Variants in EXOC2 observed in about 807,000 individuals in gnomAD.
EXOC2 encodes the protein exocyst complex component 2, also known as SEC5-like 1.
A neutral mutation model predicts 131.8 loss-of-function variants in EXOC2; 70 were observed. The observed-to-expected ratio is 0.53, with a 90% CI of 0.44 to 0.65. The LOEUF is 0.65. EXOC2 is among the 30% of genes least tolerant of loss of function. The pLI, the probability that EXOC2 is intolerant of heterozygous loss-of-function variation, is 0.00. For missense variants in EXOC2, 923 were observed against 1,108.6 expected (o/e 0.83, Z 2.38); for synonymous variants, 411 against 398.4 (o/e 1.03, Z -0.38).
rs887942793 is a variant in EXOC2, at chr6:651,335, G to C, written c.-43-13474C>G. ...GGCGTGAGCCACCGCGCCCGGCCGT[G>C]TTCTCCATTTTTATCTTGCATTTAA... On this transcript the variant is annotated intron_variant, in intron 1 of 27. Transcript: ENST00000230449. Among the ~76,000 whole-genome samples the C allele has an allele frequency of 4.6e-5, 7 of 151,976 alleles. No individual in the cohort carries two copies. The East Asian group carries it at 1.4e-3, about 29-fold the overall frequency.
intron 12 of EXOC2, among the ~76,000 whole-genome samples, chr6:573,922 T>C (rs1209889699): frequency 6.6e-6 from 1 of 152,186 alleles, no homozygotes; most frequent in Non-Finnish European, 1.5e-5. Flanking sequence ...AATGTGTTTT[T>C]CTCCCTCCCA....
At chr6:683,616 A>C (rs971352377) in intron 1 of EXOC2, among the ~76,000 whole-genome samples, 1 of 152,256 alleles carries the variant, frequency 6.6e-6, no homozygotes, top group African/African-American at 2.4e-5. Flanking sequence ...AAACTGTTAA[A>C]CATGACAGGA....
chr6:497,976 A>G (rs1438413303), intron 24 of EXOC2, among the ~76,000 whole-genome samples: 4 of 152,238 alleles, frequency 2.6e-5, no homozygotes, highest in Non-Finnish European at 2.9e-5. Context: ...TACTGTACTC[A>G]ATATGTATTT....
At chr6:628,508 A>G (rs777158048) in intron 4 of EXOC2, among the ~76,000 whole-genome samples, 12 of 152,234 alleles carry the variant, frequency 7.9e-5, no homozygotes, top group South Asian at 6.2e-4. Flanking sequence ...GGTAAACACC[A>G]AAACAGAAGT....
intron 21 of EXOC2, among the ~76,000 whole-genome samples, chr6:553,473 C>G (rs1420836196): frequency 6.6e-6 from 1 of 151,240 alleles, no homozygotes; most frequent in Non-Finnish European, 1.5e-5. Flanking sequence ...AGAAATAAAA[C>G]AGAGAAAAGC....
Position 536,554 on chromosome 6 carries a change from A to G in EXOC2, c.2239-3944T>C, listed in dbSNP as rs1307891000. On this transcript the variant is annotated intron_variant, in intron 22 of 27. Coordinates refer to ENST00000230449, the MANE Select transcript of EXOC2 (RefSeq NM_018303.6). Reference sequence around the variant, plus strand: ...TTCTTGGTAAAAATTCACAGGCTAAAATTTATATATAAATGGAAAGGACCT... The same window carrying G: ...TTCTTGGTAAAAATTCACAGGCTAAGATTTATATATAAATGGAAAGGACCT... 5.9e-5 allele frequency among the ~76,000 whole-genome samples: 9 copies of G among 152,170 alleles called. 2 individuals are homozygous for G. The highest frequency in any genetic ancestry group is 6.3e-3 in the Middle Eastern group (2 of 316).
At chr6:631,693 C>G (rs931090458) in intron 3 of EXOC2, among the ~76,000 whole-genome samples, 1 of 152,042 alleles carries the variant, frequency 6.6e-6, no homozygotes, top group Non-Finnish European at 1.5e-5. Flanking sequence ...AGATTTTTAT[C>G]AAAATGTTTA....
chr6:499,755 T>C, intron 23 of EXOC2, 55 bp from the exon 24 acceptor site: 1 of 1,443,898 alleles, frequency 6.9e-7, no homozygotes, highest in East Asian at 2.3e-5. Context: ...CAAGCTCCCC[T>C]CCCCTGCTGG....
rs746016044 is a variant in EXOC2 at position 598,050 on chromosome 6, T to C, written c.1044A>G (p.Ser348=). 6.2e-7 allele frequency: 1 copy of C among 1,613,906 alleles called. No homozygotes were observed. The highest frequency in any genetic ancestry group is 2.2e-5 in the East Asian group (1 of 44,866). The change falls in exon 10 of 28, where the codon TCA becomes TCG. Residue 348 remains serine (S), a synonymous_variant. Transcript: ENST00000230449. The part of the protein sequence containing the change: ...LLLDKLLETP[S]TLHDQKRYIR... ...TGTAACGTTTTTGGTCATGTAAAGT[T>C]GATGGTGTCTCAAGCAATTTATCCA...
chr6:582,751 A>ATATG (rs1034224368), intron 11 of EXOC2, among the ~76,000 whole-genome samples: 9 of 150,540 alleles, frequency 6.0e-5, no homozygotes, highest in African/African-American at 2.3e-4. Context: ...ATATACATAT[A>ATATG]TATGTATATA....
At chr6:648,440 T>C (rs1204276027) in intron 1 of EXOC2, among the ~76,000 whole-genome samples, 1 of 152,228 alleles carries the variant, frequency 6.6e-6, no homozygotes, top group Non-Finnish European at 1.5e-5. Flanking sequence ...AGGAACGCTC[T>C]AGTCTACAGT....
intron 1 of EXOC2, among the ~76,000 whole-genome samples, chr6:649,957 CTT>C (rs1032921145): frequency 1.3e-5 from 2 of 152,058 alleles, no homozygotes; most frequent in Non-Finnish European, 2.9e-5. Context: ...AAACTTGAGA[CTT>C]TGACTTTTTT....
At chr6:582,235 G>A (rs1427051853) in intron 11 of EXOC2, among the ~76,000 whole-genome samples, 1 of 34,512 alleles carries the variant, frequency 2.9e-5, no homozygotes, top group East Asian at 1.1e-3. Flanking sequence ...ATTTTCAATA[G>A]TCGGTATTTT....
At chr6:639,756 G>A (rs1034416826) in intron 1 of EXOC2, among the ~76,000 whole-genome samples, 4 of 152,188 alleles carry the variant, frequency 2.6e-5, no homozygotes, top group Admixed American at 6.5e-5. Context: ...TGTGGGAGGC[G>A]TACAGGCCAT....
chr6:618,478 G>T (rs183227858), intron 5 of EXOC2, among the ~76,000 whole-genome samples: 1 of 152,194 alleles, frequency 6.6e-6, no homozygotes, highest in African/African-American at 2.4e-5. Flanking sequence ...AACTTTAAAC[G>T]TATTCTTGAT....
At position 532,591 on chromosome 6, in the gene EXOC2, T is replaced by C. The variant is rs750488134; in HGVS notation, c.2258A>G (p.Lys753Arg). The change falls in exon 23 of 28, where the codon AAA (lysine) becomes AGA (arginine). Residue 753 changes from lysine to arginine, a missense_variant. Transcript: ENST00000230449. ...TTCAAAGAGTCTTTGATCTAGTTCT[T>C]TCAATGAGGCCATGCTAACCTATAA... ...KITQVSMASL[K>R]ELDQRLFENY... 6.3e-7 allele frequency: 1 copy of C among 1,596,986 alleles called. No individual in the cohort carries two copies. Among genetic ancestry groups the C allele is most frequent in the Non-Finnish European group, 8.5e-7 (1 of 1,173,794 alleles).
intron 1 of EXOC2, among the ~76,000 whole-genome samples, chr6:670,721 G>A (rs1036405817): frequency 2.0e-5 from 3 of 152,092 alleles, no homozygotes; most frequent in African/African-American, 4.8e-5. Context: ...CAAAAATGAT[G>A]CCACAACTCG....
At chr6:590,557 T>C (rs996205877) in intron 11 of EXOC2, among the ~76,000 whole-genome samples, 1 of 152,200 alleles carries the variant, frequency 6.6e-6, no homozygotes, top group Admixed American at 6.5e-5. Context: ...ATTACTCCTT[T>C]TCATGTCATC....
chr6:641,365 G>T (rs1326144791), intron 1 of EXOC2, among the ~76,000 whole-genome samples: 1 of 152,158 alleles, frequency 6.6e-6, no homozygotes, highest in Admixed American at 6.5e-5. Flanking sequence ...CAATAGGAGG[G>T]TCTTTGTTAT....
Sources: allele counts gnomAD v4.1 joint callset (sites outside exome capture counted in the v4.1 genomes callset), GRCh38; gene constraint gnomAD v4.1.1; transcripts MANE v1.5; gene names NCBI Gene and HGNC (gene_info 2026-07-23, HGNC 2026-07-21).